Variants in PIEZO2 observed in about 807,000 individuals in gnomAD.
PIEZO2 encodes piezo type mechanosensitive ion channel component 2.
In PIEZO2, 172 loss-of-function variants were observed where a neutral mutation model predicts 337.3. The ratio of observed to expected loss-of-function variants is 0.51; its 90% CI spans 0.45 to 0.58. PIEZO2 has a LOEUF of 0.58. Among genes scored for constraint, PIEZO2 ranks in the 20% least tolerant of loss-of-function variants. The pLI is 0.00. For missense variants in PIEZO2, 3,028 were observed against 3,391.3 expected (o/e 0.89, Z 2.66); for synonymous variants, 1,251 against 1,228.5 (o/e 1.02, Z -0.38).
intron 5 of PIEZO2, among the ~76,000 whole-genome samples, chr18:10,869,155 T>C (rs984490169): frequency 1.1e-4 from 16 of 152,226 alleles, no homozygotes; most frequent in African/African-American, 3.9e-4. Flanking sequence ...TTATTAGAAA[T>C]TTTATTTAGC....
intron 49 of PIEZO2, among the ~76,000 whole-genome samples, chr18:10,684,065 CCTT>C (rs2034400200): frequency 2.0e-5 from 3 of 146,482 alleles, no homozygotes; most frequent in Admixed American, 6.8e-5. Context: ...TCCCTCCCTT[CCTT>C]CCTTCCTTTT....
intron 45 of PIEZO2, among the ~76,000 whole-genome samples, chr18:10,697,441 T>G (rs1030158289): frequency 1.3e-5 from 2 of 152,214 alleles, no homozygotes; most frequent in Non-Finnish European, 2.9e-5. Context: ...ACTGTATTCC[T>G]CTCAGTCTGG....
intron 1 of PIEZO2, among the ~76,000 whole-genome samples, chr18:11,138,309 T>A (rs2040546931): frequency 6.6e-6 from 1 of 152,208 alleles, no homozygotes; most frequent in South Asian, 2.1e-4. Flanking sequence ...GTTTGTTTGT[T>A]TTTTGAGAGC....
At chr18:11,106,133 G>A (rs1346839843) in intron 1 of PIEZO2, among the ~76,000 whole-genome samples, 1 of 151,942 alleles carries the variant, frequency 6.6e-6, no homozygotes, top group Non-Finnish European at 1.5e-5. Flanking sequence ...TGTCGCCCAG[G>A]CTGGAGTGCA....
rs777779042 is a variant in PIEZO2, at chr18:10,677,921, T to C, written c.7953-46A>G. ...CTTAATGTCAGTGATTATTCAGAAG[T>C]CTGGAAAAGAGATTTACAACATATT... On this transcript the variant is annotated intron_variant, in intron 52 of 55. Transcript: ENST00000674853. The surrounding 1 kb of genome is among the most constrained non-coding windows in gnomAD (Gnocchi z 4.1). The C allele has an allele frequency of 3.3e-6, 5 of 1,509,652 alleles. No individual in the cohort carries two copies. In the South Asian group the frequency reaches 6.2e-5, roughly 19 times the overall value. 93.5% of individuals were successfully genotyped at this position (1,509,652 alleles called of 1,614,324 possible).
Position 10,791,236 on chromosome 18 carries a change from T to A in PIEZO2, c.1847A>T (p.Glu616Val), listed in dbSNP as rs2039401257. The change falls in exon 14 of 56, where the codon GAA (glutamate) becomes GTA (valine). Residue 616 changes from glutamate (E) to valine (V), a missense_variant. Physicochemically the swap from Glu to Val is moderately radical, Grantham distance 121 (BLOSUM62 -2). Around this residue, in one of 5 missense-constraint regions of PIEZO2, gnomAD observed 1,925 missense variants for 2,051.9 expected, o/e 0.94. Transcript: ENST00000674853. ...ALQEKEALLS[E>V]VKIGSQENEE... The stretch of plus-strand genomic sequence containing the variant: ...ATTTTCCTGACTGCCAATTTTGACT[T>A]CCGATAAAAGAGCTTCCTTTTCTTG... The A allele has an allele frequency of 6.5e-7, 1 of 1,536,334 alleles. No individual in the cohort carries two copies. Among genetic ancestry groups the A allele is most frequent in the Admixed American group, 2.0e-5 (1 of 50,920 alleles).
intron 4 of PIEZO2, among the ~76,000 whole-genome samples, chr18:10,898,874 AT>A (rs2042973486): frequency 6.6e-6 from 1 of 152,166 alleles, no homozygotes; most frequent in African/African-American, 2.4e-5. Flanking sequence ...GGGCTCAGCA[AT>A]GCCAAGATGG....
At chr18:10,679,879 A>AAATTTATTTT (rs2034184962) in intron 52 of PIEZO2, among the ~76,000 whole-genome samples, 1 of 152,228 alleles carries the variant, frequency 6.6e-6, no homozygotes, top group South Asian at 2.1e-4. Context: ...AATAAAATAC[A>AAATTTATTTT]GTGGATTTTG....
At chr18:10,752,967 C>T (rs561969217) in intron 27 of PIEZO2, 88 bp from the exon 28 acceptor site, 2 of 1,434,168 alleles carry the variant, frequency 1.4e-6, no homozygotes, top group East Asian at 5.0e-5. Flanking sequence ...GGAAGAAATT[C>T]ATGCTCTCTG....
At chr18:11,081,246 C>CT (rs926424615) in intron 1 of PIEZO2, among the ~76,000 whole-genome samples, 5 of 152,182 alleles carry the variant, frequency 3.3e-5, no homozygotes, top group Non-Finnish European at 5.9e-5. Context: ...ACAGCAGACA[C>CT]TTTGAGGCTT....
chr18:11,077,600 A>G lies in PIEZO2; in HGVS notation c.65-11378T>C, dbSNP rs2038589871. On this transcript the variant is annotated intron_variant, in intron 1 of 55. Coordinates refer to ENST00000674853, the MANE Select transcript of PIEZO2 (RefSeq NM_001378183.1). This position sits in a 1 kb window ranked among gnomAD's most constrained non-coding sequence, Gnocchi z 4.8. ...TGAGGTGGGAGGATTGCTTGAGCCC[A>G]GGAGTTCGAGGCTGCAGTGAGCTGT... Among the ~76,000 whole-genome samples, 1 of 152,162 alleles carries G rather than the reference A, an allele frequency of 6.6e-6. No individual in the cohort carries two copies. Among genetic ancestry groups the G allele is most frequent in the African/African-American group, 2.4e-5 (1 of 41,442 alleles).
In PIEZO2 at chr18:11,021,347, T is replaced by A. The variant is rs1247049499; in HGVS notation, c.161-41687A>T. Among the ~76,000 whole-genome samples, 2 of 152,230 alleles carry A rather than the reference T, an allele frequency of 1.3e-5. No individual in the cohort carries two copies. The highest frequency in any genetic ancestry group is 4.8e-5 in the African/African-American group (2 of 41,458). On this transcript the variant is annotated intron_variant, in intron 2 of 55. Coordinates refer to ENST00000674853, the MANE Select transcript of PIEZO2 (RefSeq NM_001378183.1). The surrounding 1 kb of genome is among the most constrained non-coding windows in gnomAD (Gnocchi z 4.7). ...TCCTGTTTTCTAGTCTCCTCTATTCTGAAGAAAACATTTTCTTTTTCCTTC... is the reference window on the plus strand; with the variant it reads ...TCCTGTTTTCTAGTCTCCTCTATTCAGAAGAAAACATTTTCTTTTTCCTTC...
intron 36 of PIEZO2, among the ~76,000 whole-genome samples, chr18:10,722,765 T>G (rs2036371938): frequency 6.6e-6 from 1 of 152,170 alleles, no homozygotes. Flanking sequence ...CTAACGTATT[T>G]AAAACCACGA....
rs1035313761 is a variant in PIEZO2, at chr18:10,793,324, A to G, written c.1758+1448T>C. On this transcript the variant is annotated intron_variant, in intron 13 of 55. Coordinates refer to ENST00000674853, the MANE Select transcript of PIEZO2 (RefSeq NM_001378183.1). ...AATGTTATAAGCCTGGAGATGTATT[A>G]CTATCTTCTATGACAAAACCTTGCA... Among the ~76,000 whole-genome samples the G allele has an allele frequency of 2.0e-4, 31 of 152,278 alleles. 1 individual carries two copies. Among genetic ancestry groups the G allele is most frequent in the African/African-American group, 7.5e-4 (31 of 41,570 alleles).
chr18:10,673,806 A>C lies in PIEZO2; in HGVS notation c.8162-933T>G, dbSNP rs1419159083. Among the ~76,000 whole-genome samples the C allele has an allele frequency of 6.6e-6, 1 of 152,180 alleles. No individual in the cohort carries two copies. The highest frequency in any genetic ancestry group is 1.9e-4 in the East Asian group (1 of 5,188). On this transcript the variant is annotated intron_variant, in intron 54 of 55. Transcript: ENST00000674853. The surrounding 1 kb of genome is among the most constrained non-coding windows in gnomAD (Gnocchi z 4.8). ...TCATTTCATACTAAATTCCTAGATC[A>C]CAGGTGTCCAATCTTTTGGGTTCGC... is the stretch of plus-strand genomic sequence containing the variant.
chr18:11,017,759 T>C (rs919049783), intron 2 of PIEZO2, among the ~76,000 whole-genome samples: 1 of 152,228 alleles, frequency 6.6e-6, no homozygotes, highest in Non-Finnish European at 1.5e-5. Flanking sequence ...ACCTCTTCTT[T>C]TGAGCTCAGA....
rs1253933180 is a variant in PIEZO2 at position 10,954,586 on chromosome 18, G to T, written c.286+24949C>A. On this transcript the variant is annotated intron_variant, in intron 3 of 55. Transcript: ENST00000674853. This position sits in a 1 kb window ranked among gnomAD's most constrained non-coding sequence, Gnocchi z 4.2. Reference sequence around the variant, plus strand: ...TGGGTAAGGGAATCCTTCATAGATGGACAATAATGATGAGAAGAAGAGGGA... The same window carrying T: ...TGGGTAAGGGAATCCTTCATAGATGTACAATAATGATGAGAAGAAGAGGGA... Among the ~76,000 whole-genome samples the T allele has an allele frequency of 6.6e-6, 1 of 152,116 alleles. No homozygotes were observed. The highest frequency in any genetic ancestry group is 2.4e-5 in the African/African-American group (1 of 41,428).
intron 54 of PIEZO2, among the ~76,000 whole-genome samples, chr18:10,674,491 A>G (rs1039083680): frequency 6.6e-6 from 1 of 152,374 alleles, no homozygotes; most frequent in South Asian, 2.1e-4. Context: ...TTGGGCCTCT[A>G]CTAGGCCAAT....
chr18:10,796,206 TA>T (rs1189132432), intron 12 of PIEZO2, among the ~76,000 whole-genome samples: 189 of 141,914 alleles, frequency 1.3e-3, no homozygotes, highest in Admixed American at 1.7e-3. Context: ...CTACTAAAAA[TA>T]AAAAAAAAAA....
Sources: gnomAD v4.1 joint callset for allele counts (sites outside exome capture counted in the v4.1 genomes callset) on GRCh38, gnomAD v4.1.1 for gene constraint, gnomAD v4.1.1 regional missense constraint, Gnocchi (gnomAD v3.1) non-coding constraint, MANE v1.5 for transcripts, NCBI Gene and HGNC (gene_info 2026-07-23, HGNC 2026-07-21) for gene names.